Variants in DLG1 observed in about 807,000 individuals in gnomAD.
DLG1 encodes discs large MAGUK scaffold protein 1.
In DLG1, 42 loss-of-function variants were observed where a neutral mutation model predicts 123.4. The observed-to-expected ratio is 0.34, with a 90% CI of 0.27 to 0.44. DLG1 has a LOEUF of 0.44. DLG1 is among the 20% of genes least tolerant of loss of function. DLG1 has a pLI of 1.00. For synonymous variants in DLG1, 317 were observed against 356.2 expected (o/e 0.89, Z 1.24); for missense variants, 942 against 1,082.6 (o/e 0.87, Z 1.82).
intron 9 of DLG1, among the ~76,000 whole-genome samples, chr3:197,137,057 G>C (rs540890341): frequency 1.4e-4 from 21 of 152,300 alleles, no homozygotes; most frequent in African/African-American, 5.1e-4. Flanking sequence ...GTCTGGTGAT[G>C]GTGGGCAGAA....
chr3:197,180,755 T>C (rs553180025), intron 5 of DLG1, among the ~76,000 whole-genome samples: 30 of 151,776 alleles, frequency 2.0e-4, no homozygotes, highest in African/African-American at 7.0e-4. Context: ...GAAAAGGCAG[T>C]GGAAAAGGAG....
chr3:197,298,718 G>C (rs112376681), upstream of DLG1: 28 of 397,378 alleles, frequency 7.0e-5, no homozygotes, highest in Non-Finnish European at 1.2e-4. Context: ...TCGGGGAGGG[G>C]TGCCAACTCT....
At chr3:197,109,776 T>G (rs2149351499) in intron 13 of DLG1, among the ~76,000 whole-genome samples, 1 of 152,348 alleles carries the variant, frequency 6.6e-6, no homozygotes, top group East Asian at 1.9e-4. Flanking sequence ...TATAGAGTTC[T>G]AGTCAACAAA....
intron 15 of DLG1, among the ~76,000 whole-genome samples, chr3:197,089,122 G>A (rs1756172233): frequency 6.6e-6 from 1 of 152,244 alleles, no homozygotes; most frequent in Admixed American, 6.5e-5. Flanking sequence ...AAATAAGGAG[G>A]TGAAGGAAGT....
intron 11 of DLG1, among the ~76,000 whole-genome samples, chr3:197,125,755 A>C (rs1778728447): frequency 6.6e-6 from 1 of 152,210 alleles, no homozygotes; most frequent in African/African-American, 2.4e-5. Context: ...TGTTGGATGA[A>C]TCATTAGTGT....
chr3:197,158,461 T>TA (rs10573278), intron 5 of DLG1, among the ~76,000 whole-genome samples: 2,166 of 118,670 alleles, frequency 0.018, 25 homozygotes, highest in Non-Finnish European at 0.027. Context: ...CGTCTCTACT[T>TA]AAAAAAAAAA....
At chr3:197,161,252 G>C (rs1395884501) in intron 5 of DLG1, among the ~76,000 whole-genome samples, 5 of 151,986 alleles carry the variant, frequency 3.3e-5, no homozygotes, top group Non-Finnish European at 5.9e-5. Context: ...ATATATAACA[G>C]GAAACAAAGT....
chr3:197,247,918 G>C (rs903029970), intron 4 of DLG1, among the ~76,000 whole-genome samples: 1 of 152,012 alleles, frequency 6.6e-6, no homozygotes, highest in Non-Finnish European at 1.5e-5. Context: ...TTCTTGTTTC[G>C]CTTCACCCTC....
chr3:197,166,421 A>G (rs556639952), intron 5 of DLG1, among the ~76,000 whole-genome samples: 6 of 152,328 alleles, frequency 3.9e-5, no homozygotes, highest in East Asian at 1.9e-4. Flanking sequence ...GTATTGGTAT[A>G]AACAGTTTTC....
intron 5 of DLG1, among the ~76,000 whole-genome samples, chr3:197,168,225 C>T (rs577352827): frequency 6.2e-4 from 94 of 152,308 alleles, no homozygotes; most frequent in African/African-American, 2.1e-3. Flanking sequence ...TAACCCATCC[C>T]CCTCTCTACA....
intron 10 of DLG1, among the ~76,000 whole-genome samples, chr3:197,131,571 T>C (rs1244258597): frequency 6.7e-6 from 1 of 149,818 alleles, no homozygotes; most frequent in East Asian, 1.9e-4. Flanking sequence ...AATATAGTTT[T>C]ATTTCTTCCT....
chr3:197,093,763 A>G (rs1381363890), intron 14 of DLG1, among the ~76,000 whole-genome samples: 2 of 152,130 alleles, frequency 1.3e-5, no homozygotes, highest in African/African-American at 2.4e-5. Context: ...TTATTTATTC[A>G]AGCTTTTAAC....
chr3:197,112,128 C>T (rs576608588), intron 13 of DLG1, among the ~76,000 whole-genome samples: 3 of 152,344 alleles, frequency 2.0e-5, no homozygotes, highest in East Asian at 3.9e-4. Flanking sequence ...AGCTGCTCCA[C>T]ATCCTCATCA....
intron 15 of DLG1, 145 bp from the exon 16 acceptor site, chr3:197,085,901 A>C: frequency 1.7e-6 from 1 of 605,174 alleles, no homozygotes; most frequent in South Asian, 2.7e-5. Flanking sequence ...CACTGCATAC[A>C]AGATAAGACA....
chr3:197,150,686 C>T lies in DLG1; in HGVS notation c.484-890G>A, dbSNP rs181344046. On this transcript the variant is annotated intron_variant, in intron 5 of 24. Coordinates refer to ENST00000667157, the MANE Select transcript of DLG1 (RefSeq NM_001366207.1). ...TACTTCAATTACCTGAGGAATTATA[C>T]ATAAAAGCTGTATAAAGTAACACTG... 9.9e-5 allele frequency among the ~76,000 whole-genome samples: 15 copies of T among 152,166 alleles called. 1 individual carries two copies. The East Asian group carries it at 2.1e-3, about 22-fold the overall frequency.
intron 5 of DLG1, among the ~76,000 whole-genome samples, chr3:197,165,668 TACTC>T (rs1801058677): frequency 6.6e-6 from 1 of 152,198 alleles, no homozygotes; most frequent in South Asian, 2.1e-4. Flanking sequence ...TCGTAACTGA[TACTC>T]ACTGCAATAT....
chr3:197,115,556 G>C (rs1772768508), intron 13 of DLG1, among the ~76,000 whole-genome samples: 1 of 151,974 alleles, frequency 6.6e-6, no homozygotes, highest in South Asian at 2.1e-4. Context: ...CCCATGTTTG[G>C]GTAGCTTTAA....
upstream of DLG1, chr3:197,299,000 A>C (rs573286747): frequency 1.3e-5 from 2 of 154,500 alleles, no homozygotes; most frequent in African/African-American, 4.8e-5. Flanking sequence ...CCCGGTCAGC[A>C]TCGCAGGTGT....
intron 5 of DLG1, among the ~76,000 whole-genome samples, chr3:197,168,170 G>A (rs1429832406): frequency 6.6e-6 from 1 of 152,098 alleles, no homozygotes; most frequent in African/African-American, 2.4e-5. Flanking sequence ...TTCTTTAGAC[G>A]AGGATGTGAA....
Sources: gnomAD v4.1 joint callset for allele counts (sites outside exome capture counted in the v4.1 genomes callset) on GRCh38, gnomAD v4.1.1 for gene constraint, MANE v1.5 for transcripts, NCBI Gene and HGNC (gene_info 2026-07-23, HGNC 2026-07-21) for gene names.